EPSTI1: variants seen among roughly 807,000 people sequenced by gnomAD.
EPSTI1 encodes the protein epithelial-stromal interaction protein 1.
A neutral mutation model predicts 49.9 loss-of-function variants in EPSTI1; 66 were observed. That is an observed-to-expected ratio of 1.32 (90% CI 1.08 to 1.62). EPSTI1 has a LOEUF of 1.62. EPSTI1 is among the 40% of genes most tolerant of loss of function. The pLI is 0.00. For missense variants in EPSTI1, 394 were observed against 365.5 expected (o/e 1.08, Z -0.64); for synonymous variants, 137 against 130.7 (o/e 1.05, Z -0.33).
At chr13:42,937,716 T>C (rs2038611812) in intron 6 of EPSTI1, among the ~76,000 whole-genome samples, 2 of 152,208 alleles carry the variant, frequency 1.3e-5, no homozygotes, top group Admixed American at 1.3e-4. Flanking sequence ...TTTCCACATC[T>C]GCAAGACTTC....
In EPSTI1 at chr13:42,969,114, T is replaced by C. The variant is rs753466267; in HGVS notation, c.311A>G (p.His104Arg). The C allele has an allele frequency of 3.7e-6, 6 of 1,614,056 alleles. No homozygotes were observed. Among genetic ancestry groups the C allele is most frequent in the African/African-American group, 1.3e-5 (1 of 74,932 alleles). ...WKEQNRAKPV[H>R]LVPRRLGGSQ... is the part of the protein sequence containing the mutation. ...CTTACCTAGCCGTCTGGGCACCAGG[T>C]GAACCGGTTTAGCTCTGTTCTGCTC... The change falls in exon 3 of 11, where the codon CAC (histidine) becomes CGC (arginine). Residue 104 changes from histidine to arginine, a missense_variant. His to Arg is a conservative substitution (Grantham distance 29). Coordinates refer to ENST00000313624, the MANE Select transcript of EPSTI1 (RefSeq NM_033255.5).
At chr13:42,948,856 G>C (rs1948454554) in intron 6 of EPSTI1, among the ~76,000 whole-genome samples, 1 of 152,140 alleles carries the variant, frequency 6.6e-6, no homozygotes, top group Admixed American at 6.5e-5. Flanking sequence ...TATATAATCT[G>C]TTACATTTAA....
chr13:42,888,843 A>G (rs1252496661), intron 10 of EPSTI1, among the ~76,000 whole-genome samples: 1 of 152,202 alleles, frequency 6.6e-6, no homozygotes. Context: ...ACACATGTGG[A>G]ACAGAGCAAT....
Position 42,970,585 on chromosome 13 carries a change from G to A in EPSTI1, c.247+27C>T, listed in dbSNP as rs11843050. 3.2e-3 allele frequency: 5,056 copies of A among 1,561,626 alleles called. 148 individuals carry two copies. In the African/African-American group the frequency reaches 0.061, roughly 19 times the overall value. ...AATTGTAAAAAGAGAGAAGCATTCT[G>A]AATGTTAAATGAATGACTATACATA... On this transcript the variant is annotated intron_variant, in intron 2 of 10. Coordinates refer to ENST00000313624, the MANE Select transcript of EPSTI1 (RefSeq NM_033255.5).
rs527305553 is a variant in EPSTI1 at position 42,889,260 on chromosome 13, T to C, written c.916-758A>G. On this transcript the variant is annotated intron_variant, in intron 10 of 10. Coordinates refer to ENST00000313624, the MANE Select transcript of EPSTI1 (RefSeq NM_033255.5). Reference sequence around the variant, plus strand: ...AGAGAACCCTAGAAAAATAAAAAAATATATTTTTTACATATAAAAGCAATT... The same window carrying C: ...AGAGAACCCTAGAAAAATAAAAAAACATATTTTTTACATATAAAAGCAATT... 36 of 1,460,882 alleles carry C rather than the reference T, an allele frequency of 2.5e-5. No individual in the cohort carries two copies. The African/African-American group carries it at 4.6e-4, about 19-fold the overall frequency. 90.5% of individuals were successfully genotyped at this position (1,460,882 alleles called of 1,614,324 possible). A position where few individuals can be genotyped will look rare whatever the true frequency, so the allele number is the denominator to read the frequency against.
chr13:42,950,290 G>A (rs1414194246), intron 6 of EPSTI1, among the ~76,000 whole-genome samples: 1 of 152,152 alleles, frequency 6.6e-6, no homozygotes, highest in African/African-American at 2.4e-5. Context: ...ACATTCCAGA[G>A]GTCTTTTCAT....
intron 8 of EPSTI1, among the ~76,000 whole-genome samples, chr13:42,909,654 A>C (rs922851793): frequency 1.5e-4 from 23 of 152,022 alleles, no homozygotes; most frequent in African/African-American, 5.3e-4. Flanking sequence ...AGAGGACATT[A>C]TGTTAAATGA....
rs143389742 is a variant in EPSTI1 at position 42,979,939 on chromosome 13, T to C, written c.189-9269A>G. On this transcript the variant is annotated intron_variant, in intron 1 of 10. Transcript: ENST00000313624. Reference sequence around the variant, plus strand: ...ACCTTTACCTCATCCTAGATCCAATTATGGATTACACATTTCTATGGTTTG... The same window carrying C: ...ACCTTTACCTCATCCTAGATCCAATCATGGATTACACATTTCTATGGTTTG... Among the ~76,000 whole-genome samples the C allele has an allele frequency of 1.9e-3, 294 of 152,280 alleles. 2 individuals are homozygous for C. The highest frequency in any genetic ancestry group is 6.4e-3 in the African/African-American group (264 of 41,560).
At chr13:42,936,507 A>G (rs2038569587) in intron 6 of EPSTI1, among the ~76,000 whole-genome samples, 1 of 152,124 alleles carries the variant, frequency 6.6e-6, no homozygotes, top group Non-Finnish European at 1.5e-5. Context: ...CCTTTCGGAA[A>G]TATGTCTGTC....
chr13:42,906,906 C>T (rs910750188), intron 8 of EPSTI1, among the ~76,000 whole-genome samples: 1 of 152,062 alleles, frequency 6.6e-6, no homozygotes, highest in Non-Finnish European at 1.5e-5. Context: ...TATTTTGATA[C>T]ATATGTATGT....
intron 5 of EPSTI1, among the ~76,000 whole-genome samples, chr13:42,959,858 A>G (rs1017906046): frequency 3.3e-5 from 5 of 152,216 alleles, no homozygotes; most frequent in African/African-American, 1.2e-4. Context: ...CCAACTTCCG[A>G]TGGAAAATAT....
chr13:42,894,667 A>G (rs2037134402), intron 10 of EPSTI1, among the ~76,000 whole-genome samples: 1 of 90,578 alleles, frequency 1.1e-5, no homozygotes. Context: ...TTTTATAACC[A>G]TATTTCTGAA....
At chr13:42,890,420 C>T (rs911560968) in intron 10 of EPSTI1, among the ~76,000 whole-genome samples, 1 of 151,854 alleles carries the variant, frequency 6.6e-6, no homozygotes, top group African/African-American at 2.4e-5. Flanking sequence ...GCCTCAGCCT[C>T]CCAAGTAGCT....
At chr13:42,913,926 T>C (rs2037756465) in intron 8 of EPSTI1, among the ~76,000 whole-genome samples, 1 of 152,146 alleles carries the variant, frequency 6.6e-6, no homozygotes, top group Non-Finnish European at 1.5e-5. Context: ...GGAAATATGG[T>C]TGTTTAAAAG....
intron 6 of EPSTI1, among the ~76,000 whole-genome samples, chr13:42,943,008 A>G (rs2038809061): frequency 6.6e-6 from 1 of 152,232 alleles, no homozygotes; most frequent in African/African-American, 2.4e-5. Context: ...TTTAAACAGA[A>G]AAACAAGCAC....
Position 42,980,772 on chromosome 13 carries a change from A to C in EPSTI1, c.189-10102T>G, listed in dbSNP as rs578177162. On this transcript the variant is annotated intron_variant, in intron 1 of 10. Coordinates refer to ENST00000313624, the MANE Select transcript of EPSTI1 (RefSeq NM_033255.5). ...TACTTTAGAGATTTCTTTACACTAA[A>C]CTCTTTGAAGTGTTTATTTCTAAGG... Among the ~76,000 whole-genome samples the C allele has an allele frequency of 3.2e-4, 43 of 135,258 alleles. 2 individuals are homozygous for C. The East Asian group carries it at 5.2e-3, about 16-fold the overall frequency. 88.7% of individuals were successfully genotyped at this position (135,258 alleles called of 152,430 possible). A position where few individuals can be genotyped will look rare whatever the true frequency, so the allele number is the denominator to read the frequency against.
chr13:42,912,175 A>G (rs2037706215), intron 8 of EPSTI1, among the ~76,000 whole-genome samples: 1 of 152,252 alleles, frequency 6.6e-6, no homozygotes, highest in South Asian at 2.1e-4. Context: ...GAGAAAGGAG[A>G]CAGGTTACAT....
rs192760400 is a variant in EPSTI1 at position 42,920,929 on chromosome 13, C to G, written c.658-3305G>C. ...TTTTTAAATCTCCCCTTCTTCCCCC[C>G]AAAAAAACCAAATCAGTAAAATATT... On this transcript the variant is annotated intron_variant, in intron 7 of 10. Transcript: ENST00000313624. 1.5e-4 allele frequency among the ~76,000 whole-genome samples: 22 copies of G among 151,638 alleles called. No homozygotes were observed. In the South Asian group the frequency reaches 2.5e-3, roughly 17 times the overall value.
chr13:42,961,420 A>G (rs1332372444), intron 5 of EPSTI1, among the ~76,000 whole-genome samples: 3 of 152,206 alleles, frequency 2.0e-5, no homozygotes, highest in Admixed American at 2.0e-4. Flanking sequence ...ACATCACTAG[A>G]AGTATATATA....
Sources: gnomAD v4.1 joint callset for allele counts (sites outside exome capture counted in the v4.1 genomes callset) on GRCh38, gnomAD v4.1.1 for gene constraint, MANE v1.5 for transcripts, NCBI Gene and HGNC (gene_info 2026-07-23, HGNC 2026-07-21) for gene names.